The following MIPEP variants were observed in gnomAD, a reference collection of about 807,000 sequenced individuals.
The protein encoded by MIPEP is mitochondrial intermediate peptidase.
MIPEP carries 79 observed loss-of-function variants against 90.3 expected under a neutral mutation model. That is an observed-to-expected ratio of 0.87 (90% CI 0.73 to 1.05). The LOEUF (loss-of-function observed/expected upper bound fraction) is 1.05. MIPEP is among the 50% of genes least tolerant of loss of function. The probability of loss-of-function intolerance (pLI) is 0.00; values close to 1 mark genes in which losing one functional copy is unlikely to be tolerated. For synonymous variants in MIPEP, 334 were observed against 315.8 expected, an observed-to-expected ratio of 1.06 and a Z score of -0.61; for missense variants, 940 against 905.6, an observed-to-expected ratio of 1.04 and a Z score of -0.49.
At chr13:23,862,392 G>A (rs1325727684) in intron 8 of MIPEP, 30 bp from the exon 9 acceptor site, 3 of 1,327,892 alleles carry the variant, frequency 2.3e-6, no homozygotes, top group South Asian at 2.6e-5. Flanking sequence ...TTACTTGTTA[G>A]GACAAAATTT....
chr13:23,754,703 T>C (rs1952473713), intron 18 of MIPEP, among the ~76,000 whole-genome samples: 1 of 152,190 alleles, frequency 6.6e-6, no homozygotes, highest in Admixed American at 6.5e-5. Context: ...TGTAGCAGCA[T>C]GGCCTGGGAA....
chr13:23,747,204 C>A (rs906262076), intron 18 of MIPEP, among the ~76,000 whole-genome samples: 9 of 152,186 alleles, frequency 5.9e-5, no homozygotes, highest in Admixed American at 3.3e-4. Context: ...ATTAAAGATG[C>A]TGCCCATGAC....
chr13:23,888,746 G>C (rs1056968629), intron 1 of MIPEP: 1 of 1,024,662 alleles, frequency 9.8e-7, no homozygotes, highest in Non-Finnish European at 1.2e-6. Context: ...AACGCACAGG[G>C]ATAGGCCTCT....
intron 18 of MIPEP, among the ~76,000 whole-genome samples, chr13:23,740,472 G>GT (rs1952315056): frequency 6.6e-6 from 1 of 151,530 alleles, no homozygotes; most frequent in Non-Finnish European, 1.5e-5. Flanking sequence ...ATAAGCCAGA[G>GT]TTGGTTCTAT....
intron 7 of MIPEP, among the ~76,000 whole-genome samples, chr13:23,868,071 A>G (rs1870617750): frequency 6.6e-6 from 1 of 152,168 alleles, no homozygotes; most frequent in South Asian, 2.1e-4. Context: ...CACATTTAAT[A>G]CATAACATAC....
intron 18 of MIPEP, among the ~76,000 whole-genome samples, chr13:23,751,686 A>G (rs752524052): frequency 6.6e-6 from 1 of 152,188 alleles, no homozygotes; most frequent in African/African-American, 2.4e-5. Context: ...GAAAGAGAGC[A>G]TAAGGAATTC....
At chr13:23,878,600 A>G (rs1809367383) in intron 4 of MIPEP, among the ~76,000 whole-genome samples, 1 of 152,246 alleles carries the variant, frequency 6.6e-6, no homozygotes. Flanking sequence ...TACATATTAT[A>G]AGCAGGTTAA....
At chr13:23,783,663 C>A (rs1952806090) in intron 16 of MIPEP, among the ~76,000 whole-genome samples, 1 of 152,312 alleles carries the variant, frequency 6.6e-6, no homozygotes, top group East Asian at 1.9e-4. Context: ...GTCAAATAGT[C>A]CCTGTTTGCA....
In MIPEP at chr13:23,761,139, T is replaced by C. The variant is rs1001909208; in HGVS notation, c.1849-922A>G. On this transcript the variant is annotated intron_variant, in intron 16 of 18. Coordinates refer to ENST00000382172, the MANE Select transcript of MIPEP (RefSeq NM_005932.4). ...CTGGGAATGCATTCTTTTTTTTTTT[T>C]TTTAAGAAGAGACAAACGCTAAGAA... Among the ~76,000 whole-genome samples the C allele has an allele frequency of 4.6e-5, 7 of 152,112 alleles. No homozygotes were observed. In the Middle Eastern group the frequency reaches 0.017, roughly 370 times the overall value.
intron 18 of MIPEP, among the ~76,000 whole-genome samples, chr13:23,751,270 A>T (rs1309350800): frequency 2.0e-5 from 3 of 152,254 alleles, no homozygotes; most frequent in South Asian, 2.1e-4. Context: ...TAATATGGCA[A>T]AAGCGAGTGT....
At chr13:23,742,181 T>C (rs1324109953) in intron 18 of MIPEP, among the ~76,000 whole-genome samples, 1 of 152,236 alleles carries the variant, frequency 6.6e-6, no homozygotes, top group African/African-American at 2.4e-5. Flanking sequence ...TTTCAGGCTA[T>C]TTCTCTTCTG....
chr13:23,798,695 C>G (rs879853724), intron 16 of MIPEP, among the ~76,000 whole-genome samples: 1 of 152,062 alleles, frequency 6.6e-6, no homozygotes, highest in Non-Finnish European at 1.5e-5. Flanking sequence ...CTTGTAAGAT[C>G]GGGTTGTTTA....
chr13:23,869,169 A>G, intron 7 of MIPEP, 123 bp downstream of exon 7: 1 of 854,436 alleles, frequency 1.2e-6, no homozygotes, highest in East Asian at 2.8e-5. Flanking sequence ...TACATAGAAA[A>G]TCTCAATAAA....
At chr13:23,855,692 A>T (rs1408325620) in intron 10 of MIPEP, among the ~76,000 whole-genome samples, 2 of 152,252 alleles carry the variant, frequency 1.3e-5, no homozygotes, top group Non-Finnish European at 2.9e-5. Flanking sequence ...TCAGTAGCCT[A>T]TTAAGCTACT....
intron 18 of MIPEP, among the ~76,000 whole-genome samples, chr13:23,738,732 G>T (rs1031852191): frequency 6.6e-6 from 1 of 152,086 alleles, no homozygotes; most frequent in South Asian, 2.1e-4. Flanking sequence ...GATTACAGGC[G>T]TGCGCCTCTG....
At chr13:23,846,789 C>T (rs552561287) in intron 10 of MIPEP, among the ~76,000 whole-genome samples, 1 of 151,262 alleles carries the variant, frequency 6.6e-6, no homozygotes, top group East Asian at 2.0e-4. Flanking sequence ...CCATTTTTCC[C>T]TAAATTTAAT....
chr13:23,862,324 A>C lies in MIPEP; in HGVS notation c.1031T>G (p.Met344Arg), dbSNP rs763428411. ...KDFEMIRGMK[M>R]KLNPQNSEVM... Reference sequence around the variant, plus strand: ...TACGGAATTTTGAGGATTCAGTTTCATTTTCATCCCTCGTATCATCTCAAA... The same window carrying C: ...TACGGAATTTTGAGGATTCAGTTTCCTTTTCATCCCTCGTATCATCTCAAA... Residue 344 changes from methionine (M) to arginine (R), a missense_variant, in exon 9 of 19, where the codon ATG becomes AGG. Coordinates refer to ENST00000382172, the MANE Select transcript of MIPEP (RefSeq NM_005932.4). The C allele has an allele frequency of 1.9e-6, 3 of 1,582,478 alleles. No homozygotes were observed. Among genetic ancestry groups the C allele is most frequent in the Admixed American group, 1.7e-5 (1 of 58,214 alleles).
Position 23,874,022 on chromosome 13 carries a change from C to T in MIPEP, c.603+824G>A, listed in dbSNP as rs1369386386. Among the ~76,000 whole-genome samples, 6 of 152,282 alleles carry T rather than the reference C, an allele frequency of 3.9e-5. No homozygotes were observed. In the East Asian group the frequency reaches 9.6e-4, roughly 24 times the overall value. ...TTGTATGTGATACATATTTCCAAGG[C>T]CCTGCCTTCTGCTTTTCCAGATATT... On this transcript the variant is annotated intron_variant, in intron 5 of 18. Coordinates refer to ENST00000382172, the MANE Select transcript of MIPEP (RefSeq NM_005932.4).
At chr13:23,776,930 A>G (rs977037433) in intron 16 of MIPEP, among the ~76,000 whole-genome samples, 1 of 152,200 alleles carries the variant, frequency 6.6e-6, no homozygotes. Flanking sequence ...ATATGTACAT[A>G]TACACCTAAA....
Sources: gnomAD v4.1 joint callset for allele counts (sites outside exome capture counted in the v4.1 genomes callset) on GRCh38, gnomAD v4.1.1 for gene constraint, MANE v1.5 for transcripts, NCBI Gene and HGNC (gene_info 2026-07-23, HGNC 2026-07-21) for gene names.